Variants in MAPKAP1 observed in about 807,000 individuals in gnomAD.
MAPKAP1 encodes the protein MAPK associated protein 1.
In MAPKAP1, 20 loss-of-function variants were observed where a neutral mutation model predicts 65.7. The ratio of observed to expected loss-of-function variants is 0.30; its 90% CI spans 0.21 to 0.44. The LOEUF (loss-of-function observed/expected upper bound fraction) is 0.44. Among genes scored for constraint, MAPKAP1 ranks in the 20% least tolerant of loss-of-function variants. The pLI, the probability that MAPKAP1 is intolerant of heterozygous loss-of-function variation, is 1.00. For synonymous variants in MAPKAP1, 222 were observed against 244.3 expected (o/e 0.91, Z 0.85); for missense variants, 423 against 648.0 (o/e 0.65, Z 3.77).
chr9:125,532,424 GAC>G (rs1829959562), intron 7 of MAPKAP1, among the ~76,000 whole-genome samples: 1 of 152,114 alleles, frequency 6.6e-6, no homozygotes, highest in African/African-American at 2.4e-5. Context: ...GAAAAGTAAG[GAC>G]ACACACACAA....
In MAPKAP1 at chr9:125,707,044, C is replaced by T. The variant is rs1330489880; in HGVS notation, c.-143G>A. 1 of 397,182 alleles carries T rather than the reference C, an allele frequency of 2.5e-6. No individual in the cohort carries two copies. The highest frequency in any genetic ancestry group is 4.4e-6 in the Non-Finnish European group (1 of 225,480). 24.6% of individuals were successfully genotyped at this position (397,182 alleles called of 1,614,324 possible). A position where few individuals can be genotyped will look rare whatever the true frequency, so the allele number is the denominator to read the frequency against. On this transcript the variant is annotated 5_prime_UTR_variant, in exon 1 of 12. In the 5' UTR this introduces an upstream ATG that the reference lacks. Coordinates refer to ENST00000265960, the MANE Select transcript of MAPKAP1 (RefSeq NM_001006617.3). ...CTGAGGGGAGGGCCCGGCTCCCCCA[C>T]GCCTCCCGGCCCCTGCCCCGAGCTC...
At position 125,585,611 on chromosome 9, in the gene MAPKAP1, G is replaced by T. The variant is rs761351405; in HGVS notation, c.615C>A (p.Asp205Glu). ...ACTGCCAGCAGATGAGCCCGATCAGGTCCTGCACCCTGGCGCTGGCCATTG... is the reference window on the plus strand; with the variant it reads ...ACTGCCAGCAGATGAGCCCGATCAGTTCCTGCACCCTGGCGCTGGCCATTG... The part of the protein sequence containing the change: ...VVTMASARVQ[D>E]LIGLICWQYT... The change falls in exon 5 of 12, where the codon GAC becomes GAA. Residue 205 changes from aspartate to glutamate, a missense_variant. Asp to Glu is a conservative substitution (Grantham distance 45). This residue lies in a region of MAPKAP1 where 98 missense variants were observed against 200.5 expected (regional missense o/e 0.49). Coordinates refer to ENST00000265960, the MANE Select transcript of MAPKAP1 (RefSeq NM_001006617.3). The T allele has an allele frequency of 1.2e-6, 2 of 1,614,250 alleles. No individual in the cohort carries two copies. The highest frequency in any genetic ancestry group is 2.2e-5 in the South Asian group (2 of 91,084).
chr9:125,548,139 G>A (rs547142132), intron 6 of MAPKAP1, among the ~76,000 whole-genome samples: 1 of 152,164 alleles, frequency 6.6e-6, no homozygotes, highest in African/African-American at 2.4e-5. Context: ...AGAAACTGAG[G>A]CTGAAGGCAT....
At chr9:125,656,135 G>A (rs1358924346) in intron 4 of MAPKAP1, among the ~76,000 whole-genome samples, 1 of 152,166 alleles carries the variant, frequency 6.6e-6, no homozygotes, top group Non-Finnish European at 1.5e-5. Context: ...CTCAAACAAT[G>A]AGATGGTATC....
chr9:125,590,280 C>G (rs1831916820), intron 4 of MAPKAP1, among the ~76,000 whole-genome samples: 1 of 152,196 alleles, frequency 6.6e-6, no homozygotes, highest in African/African-American at 2.4e-5. Context: ...TTCTATTACT[C>G]AAGCTTACTA....
chr9:125,480,601 G>A (rs1854271183), intron 9 of MAPKAP1, among the ~76,000 whole-genome samples: 1 of 152,154 alleles, frequency 6.6e-6, no homozygotes, highest in South Asian at 2.1e-4. Flanking sequence ...TCAAGATGGT[G>A]GACCTGGAGA....
intron 4 of MAPKAP1, among the ~76,000 whole-genome samples, chr9:125,593,566 G>C (rs1832034671): frequency 6.6e-6 from 1 of 152,128 alleles, no homozygotes; most frequent in Non-Finnish European, 1.5e-5. Context: ...AGAGGCTCAG[G>C]CAGGAGAATT....
Position 125,465,911 on chromosome 9 carries a change from AAGGCATATTCC to A in MAPKAP1, c.1345+2050_1345+2060del, listed in dbSNP as rs530752381. Among the ~76,000 whole-genome samples the A allele has an allele frequency of 1.8e-3, 280 of 152,266 alleles. 1 individual carries two copies. The highest frequency in any genetic ancestry group is 3.2e-3 in the Non-Finnish European group (217 of 68,012). On this transcript the variant is annotated intron_variant, in intron 10 of 11. Transcript: ENST00000265960. ...AAGTTAGAGAGGGGGTCAGGTTCGAAAGGCATATTCCAGGCAGTGGGAACAGCACAGAATGC... is the reference window on the plus strand; with the variant it reads ...AAGTTAGAGAGGGGGTCAGGTTCGAAAGGCAGTGGGAACAGCACAGAATGC...
intron 10 of MAPKAP1, among the ~76,000 whole-genome samples, chr9:125,448,084 G>A (rs531220311): frequency 1.8e-4 from 28 of 152,306 alleles, no homozygotes; most frequent in Non-Finnish European, 2.9e-4. Flanking sequence ...CTGTGTTTTA[G>A]GGTGTTCTCC....
At chr9:125,569,164 T>G (rs951335888) in intron 5 of MAPKAP1, among the ~76,000 whole-genome samples, 2 of 152,246 alleles carry the variant, frequency 1.3e-5, no homozygotes, top group South Asian at 2.1e-4. Flanking sequence ...GTCTCCACCT[T>G]GTTTTATGCC....
intron 10 of MAPKAP1, among the ~76,000 whole-genome samples, chr9:125,459,624 C>G (rs1853382758): frequency 6.6e-6 from 1 of 152,220 alleles, no homozygotes; most frequent in African/African-American, 2.4e-5. Context: ...ACCAGCCCGG[C>G]CAACTCAGCG....
At chr9:125,603,719 A>G (rs1053249683) in intron 4 of MAPKAP1, among the ~76,000 whole-genome samples, 1 of 152,126 alleles carries the variant, frequency 6.6e-6, no homozygotes, top group African/African-American at 2.4e-5. Context: ...GTCTTTTCAA[A>G]TTCATTTTAA....
At chr9:125,696,191 A>T (rs1281695532) in intron 1 of MAPKAP1, 4 of 152,202 alleles carry the variant, frequency 2.6e-5, no homozygotes, top group Non-Finnish European at 4.4e-5. Context: ...AGACATTCAC[A>T]TTTGTTAAAA....
chr9:125,538,765 C>T (rs1010938844), intron 7 of MAPKAP1, among the ~76,000 whole-genome samples: 1 of 152,072 alleles, frequency 6.6e-6, no homozygotes, highest in Non-Finnish European at 1.5e-5. Context: ...TATTATTCTC[C>T]CTCTCAGCCT....
At chr9:125,686,240 A>G (rs1234893642) in intron 1 of MAPKAP1, among the ~76,000 whole-genome samples, 1 of 150,862 alleles carries the variant, frequency 6.6e-6, no homozygotes, top group African/African-American at 2.4e-5. Context: ...TGAACCCGGG[A>G]GGCGGAGCTT....
At chr9:125,621,426 TAC>T (rs1285358107) in intron 4 of MAPKAP1, among the ~76,000 whole-genome samples, 17 of 152,162 alleles carry the variant, frequency 1.1e-4, no homozygotes, top group Non-Finnish European at 2.9e-5. Flanking sequence ...AGAAAACAGG[TAC>T]AGAGAATTTT....
intron 10 of MAPKAP1, among the ~76,000 whole-genome samples, chr9:125,467,717 G>A (rs897293183): frequency 2.0e-5 from 3 of 152,200 alleles, no homozygotes; most frequent in Admixed American, 6.5e-5. Flanking sequence ...CCCAGCTCCC[G>A]GGGCTGGGCT....
At chr9:125,560,557 C>T (rs1353633072) in intron 5 of MAPKAP1, among the ~76,000 whole-genome samples, 2 of 151,972 alleles carry the variant, frequency 1.3e-5, no homozygotes, top group Non-Finnish European at 2.9e-5. Context: ...TCACTCCAGC[C>T]TGGGCAACAG....
chr9:125,579,453 G>A (rs566057865), intron 5 of MAPKAP1, among the ~76,000 whole-genome samples: 79 of 152,190 alleles, frequency 5.2e-4, no homozygotes, highest in Admixed American at 2.2e-3. Context: ...CACCACCCCC[G>A]GCTAATTTTT....
Sources: gnomAD v4.1 joint callset for allele counts (sites outside exome capture counted in the v4.1 genomes callset) on GRCh38, gnomAD v4.1.1 for gene constraint, gnomAD v4.1.1 regional missense constraint, MANE v1.5 for transcripts, NCBI Gene and HGNC (gene_info 2026-07-23, HGNC 2026-07-21) for gene names.